Variants in CSTF1 observed in about 807,000 individuals in gnomAD.
CSTF1 encodes the protein cleavage stimulation factor subunit 1.
In CSTF1, 2 loss-of-function variants were observed where a neutral mutation model predicts 40.9. The ratio of observed to expected loss-of-function variants is 0.05; its 90% CI spans 0.02 to 0.15. CSTF1 has a LOEUF of 0.15. CSTF1 is among the 10% of genes least tolerant of loss of function. The probability of loss-of-function intolerance (pLI) is 1.00; values close to 1 mark genes in which losing one functional copy is unlikely to be tolerated. For missense variants in CSTF1, 279 were observed against 558.9 expected, an observed-to-expected ratio of 0.50 and a Z score of 5.05; for synonymous variants, 218 against 207.2, an observed-to-expected ratio of 1.05 and a Z score of -0.45.
At position 56,397,728 on chromosome 20, in the gene CSTF1, TG is replaced by T; in HGVS notation, c.533del (p.Cys178SerfsTer101). 6.2e-7 allele frequency: 1 copy of T among 1,614,132 alleles called. No individual in the cohort carries two copies. The highest frequency in any genetic ancestry group is 8.5e-7 in the Non-Finnish European group (1 of 1,179,976). On this transcript the variant is annotated frameshift_variant, in exon 4 of 6. Transcript: ENST00000217109. LOFTEE classifies it high-confidence loss of function. This position sits in a 1 kb window ranked among gnomAD's most constrained non-coding sequence, Gnocchi z 4.4. Reference protein sequence around the residue: ...TLYDHVDEVTCLAFHPTEQIL... With the variant: ...TLYDHVDEVTXLAFHPTEQIL... ...TTATGACCATGTGGATGAAGTCACGTGCCTTGCTTTCCACCCAACAGAACAG... is the reference window on the plus strand; with the variant it reads ...TTATGACCATGTGGATGAAGTCACGTCCTTGCTTTCCACCCAACAGAACAG...
intron 5 of CSTF1, among the ~76,000 whole-genome samples, chr20:56,400,766 C>T (rs1402212338): frequency 6.6e-5 from 10 of 152,262 alleles, no homozygotes; most frequent in African/African-American, 2.2e-4. Context: ...TTGGGCCAGG[C>T]GCGGTGGCTC....
Position 56,405,633 on chromosome 20 carries a change from T to A in CSTF1, c.*1906T>A, listed in dbSNP as rs116236411. 96 of 152,390 alleles carry A rather than the reference T, an allele frequency of 6.3e-4. No individual in the cohort carries two copies. The highest frequency in any genetic ancestry group is 2.2e-3 in the African/African-American group (92 of 41,586). 9.4% of individuals were successfully genotyped at this position (152,390 alleles called of 1,614,324 possible). On this transcript the variant is annotated 3_prime_UTR_variant, in exon 6 of 6. Coordinates refer to ENST00000217109, the MANE Select transcript of CSTF1 (RefSeq NM_001324.3). ...CTTAACATGTTACATCACAGGGTTT[T>A]AGCTCAGATTTCCAAAGAGCCATAT...
At position 56,397,086 on chromosome 20, in the gene CSTF1, C is replaced by T; in HGVS notation, c.170-121C>T. 1 of 1,084,544 alleles carries T rather than the reference C, an allele frequency of 9.2e-7. No individual in the cohort carries two copies. The allele number at this position is 1,084,544 out of a possible 1,614,324, so 67.2% of individuals were successfully genotyped here. ...TTGTAAAGTGTTAGGTGTCACGCGG[C>T]TCCAAGAAATAGGAGGTTGACACTG... On this transcript the variant is annotated intron_variant, in intron 2 of 5. Coordinates refer to ENST00000217109, the MANE Select transcript of CSTF1 (RefSeq NM_001324.3). This position sits in a 1 kb window ranked among gnomAD's most constrained non-coding sequence, Gnocchi z 4.4.
chr20:56,397,227 G>A lies in CSTF1; in HGVS notation c.190G>A (p.Ala64Thr), dbSNP rs143733259. 2.0e-5 allele frequency: 32 copies of A among 1,613,642 alleles called. No individual in the cohort carries two copies. Among genetic ancestry groups the A allele is most frequent in the Non-Finnish European group, 2.4e-5 (28 of 1,179,756 alleles). The change falls in exon 3 of 6, where the codon GCA becomes ACA. Residue 64 changes from alanine to threonine, a missense_variant. Physicochemically the swap from Ala to Thr is moderately conservative, Grantham distance 58. Around this residue, in one of 4 missense-constraint regions of CSTF1, gnomAD observed 66 missense variants for 148.0 expected, o/e 0.45. Coordinates refer to ENST00000217109, the MANE Select transcript of CSTF1 (RefSeq NM_001324.3). The surrounding 1 kb of genome is among the most constrained non-coding windows in gnomAD (Gnocchi z 4.4). ...TTCAGGAATGGAAAACGATGACACC[G>A]CAGTTCAGTATGCAATTGGTCGTTC... ...IKLGMENDDT[A>T]VQYAIGRSDT...
chr20:56,397,145 A>G lies in CSTF1; in HGVS notation c.170-62A>G. Reference sequence around the variant, plus strand: ...CTTTCCAGTTTGGATCTAGAATTTTATCTTGGCCTTTTTAAGAAAAAACAC... The same window carrying G: ...CTTTCCAGTTTGGATCTAGAATTTTGTCTTGGCCTTTTTAAGAAAAAACAC... On this transcript the variant is annotated intron_variant, in intron 2 of 5. Transcript: ENST00000217109. This position sits in a 1 kb window ranked among gnomAD's most constrained non-coding sequence, Gnocchi z 4.4. 2 of 1,543,130 alleles carry G rather than the reference A, an allele frequency of 1.3e-6. No homozygotes were observed. The highest frequency in any genetic ancestry group is 4.5e-5 in the East Asian group (2 of 44,444).
rs1019213052 is a variant in CSTF1, at chr20:56,397,319, A to G, written c.282A>G (p.Pro94=). The part of the protein sequence containing the change: ...EFDADVQTMS[P]EASEYETCYV... ...ATGCAGATGTTCAGACTATGTCCCCAGAGGCTTCTGAGTACGAAACATGCT... is the reference window on the plus strand; with the variant it reads ...ATGCAGATGTTCAGACTATGTCCCCGGAGGCTTCTGAGTACGAAACATGCT... The change falls in exon 3 of 6, where the codon CCA becomes CCG. Residue 94 remains proline (P), a synonymous_variant. Transcript: ENST00000217109. The surrounding 1 kb of genome is among the most constrained non-coding windows in gnomAD (Gnocchi z 4.4). The G allele has an allele frequency of 4.3e-6, 7 of 1,614,216 alleles. No homozygotes were observed. Among genetic ancestry groups the G allele is most frequent in the South Asian group, 1.1e-5 (1 of 91,086 alleles).
chr20:56,404,589 T>C lies in CSTF1; in HGVS notation c.*862T>C, dbSNP rs1401308032. The C allele has an allele frequency of 6.6e-6, 1 of 152,164 alleles. No homozygotes were observed. The highest frequency in any genetic ancestry group is 1.5e-5 in the Non-Finnish European group (1 of 68,030). The allele number at this position is 152,164 out of a possible 1,614,324, so 9.4% of individuals were successfully genotyped here. ...TCTCATCATGGAGGCACATAGTAACTGCATTCTCAGAAGATTTATGCAGTT... is the reference window on the plus strand; with the variant it reads ...TCTCATCATGGAGGCACATAGTAACCGCATTCTCAGAAGATTTATGCAGTT... On this transcript the variant is annotated 3_prime_UTR_variant, in exon 6 of 6. Transcript: ENST00000217109.
At chr20:56,393,131 T>TATATATACAC (rs1555858061) in intron 1 of CSTF1, among the ~76,000 whole-genome samples, 181 of 135,894 alleles carry the variant, frequency 1.3e-3, no homozygotes, top group African/African-American at 5.1e-3. Flanking sequence ...TATATATATA[T>TATATATACAC]ACACACACAC....
At position 56,398,948 on chromosome 20, in the gene CSTF1, A is replaced by C. The variant is rs184900507; in HGVS notation, c.646-19A>C. 8.9e-6 allele frequency: 14 copies of C among 1,572,060 alleles called. No individual in the cohort carries two copies. The African/African-American group carries it at 1.5e-4, about 17-fold the overall frequency. ...TGTTCACCAGTTGGTCACTTGTATT[A>C]ATGTCTCTGTCCCAACAGGAAGCTG... On this transcript the variant is annotated intron_variant, in intron 4 of 5. Transcript: ENST00000217109.
At position 56,403,651 on chromosome 20, in the gene CSTF1, C is replaced by T. The variant is rs1978572231; in HGVS notation, c.1220C>T (p.Pro407Leu). The change falls in exon 6 of 6, where the codon CCC becomes CTC. Residue 407 changes from proline to leucine, a missense_variant. By Grantham distance (98) the Pro-to-Leu change is moderately conservative. Coordinates refer to ENST00000217109, the MANE Select transcript of CSTF1 (RefSeq NM_001324.3). ...ATTGTACGCTGCATAGTGCACTCCC[C>T]CACCAACCCCGGGTTCATGACGTGC... is the stretch of plus-strand genomic sequence containing the variant. ...NNIVRCIVHS[P>L]TNPGFMTCSD... The T allele has an allele frequency of 6.2e-7, 1 of 1,613,972 alleles. No individual in the cohort carries two copies. The highest frequency in any genetic ancestry group is 1.3e-5 in the African/African-American group (1 of 74,880).
rs1201150747 is a variant in CSTF1, at chr20:56,404,845, T to TTTTTTTTTTTTTTTC, written c.*1119_*1120insTTTTTTTTTTTTTCT. ...TTTTTTTTTTTTTTTTTTTGTATTT[T>TTTTTTTTTTTTTTTC]TAGTAGAGCCAGGGTTTCACCATGT... On this transcript the variant is annotated 3_prime_UTR_variant, in exon 6 of 6. Coordinates refer to ENST00000217109, the MANE Select transcript of CSTF1 (RefSeq NM_001324.3). The TTTTTTTTTTTTTTTC allele has an allele frequency of 6.9e-6, 1 of 144,274 alleles. No individual in the cohort carries two copies. Among genetic ancestry groups the TTTTTTTTTTTTTTTC allele is most frequent in the African/African-American group, 2.7e-5 (1 of 37,732 alleles). 8.9% of individuals were successfully genotyped at this position (144,274 alleles called of 1,614,324 possible).
rs1186497419 is a variant in CSTF1 at position 56,405,084 on chromosome 20, A to G, written c.*1357A>G. Reference sequence around the variant, plus strand: ...TGCTTTATATTTATCCCAAAAAACAAATACCTTATGATCTGCATAGGAGTA... The same window carrying G: ...TGCTTTATATTTATCCCAAAAAACAGATACCTTATGATCTGCATAGGAGTA... On this transcript the variant is annotated 3_prime_UTR_variant, in exon 6 of 6. Coordinates refer to ENST00000217109, the MANE Select transcript of CSTF1 (RefSeq NM_001324.3). 1 of 152,074 alleles carries G rather than the reference A, an allele frequency of 6.6e-6. No homozygotes were observed. Among genetic ancestry groups the G allele is most frequent in the Non-Finnish European group, 1.5e-5 (1 of 68,020 alleles). 9.4% of individuals were successfully genotyped at this position (152,074 alleles called of 1,614,324 possible).
At chr20:56,402,389 T>A in intron 5 of CSTF1, among the ~76,000 whole-genome samples, 1 of 152,226 alleles carries the variant, frequency 6.6e-6, no homozygotes, top group East Asian at 1.9e-4. Context: ...AAGTATTGAC[T>A]GTTACCTCTG....
rs894362005 is a variant in CSTF1 at position 56,404,700 on chromosome 20, C to G, written c.*973C>G. The stretch of plus-strand genomic sequence containing the variant: ...TTGCTCTGTCACCCAGGTTGGAGTG[C>G]AGTGGCGTGATCTCAGCTCACTGCA... On this transcript the variant is annotated 3_prime_UTR_variant, in exon 6 of 6. Coordinates refer to ENST00000217109, the MANE Select transcript of CSTF1 (RefSeq NM_001324.3). 6.6e-6 allele frequency: 1 copy of G among 151,370 alleles called. No homozygotes were observed. The highest frequency in any genetic ancestry group is 2.1e-4 in the South Asian group (1 of 4,790). 9.4% of individuals were successfully genotyped at this position (151,370 alleles called of 1,614,324 possible). A position where few individuals can be genotyped will look rare whatever the true frequency, so the allele number is the denominator to read the frequency against.
intron 5 of CSTF1, among the ~76,000 whole-genome samples, chr20:56,402,955 A>G (rs899036313): frequency 6.6e-6 from 1 of 151,810 alleles, no homozygotes; most frequent in African/African-American, 2.4e-5. Flanking sequence ...AAAAGATCAC[A>G]CACAAAAGAA....
At position 56,397,356 on chromosome 20, in the gene CSTF1, C is replaced by T; in HGVS notation, c.319C>T (p.His107Tyr). The stretch of plus-strand genomic sequence containing the variant: ...GTACGAAACATGCTATGTCACATCA[C>T]ATAAAGGACCATGCCGTGTAGCTAC... ...SEYETCYVTS[H>Y]KGPCRVATYS... The change falls in exon 3 of 6, where the codon CAT becomes TAT. Residue 107 changes from histidine (H) to tyrosine (Y), a missense_variant. His to Tyr is a moderately conservative substitution (Grantham distance 83, BLOSUM62 2). Around this residue, in one of 4 missense-constraint regions of CSTF1, gnomAD observed 66 missense variants for 148.0 expected, o/e 0.45. Coordinates refer to ENST00000217109, the MANE Select transcript of CSTF1 (RefSeq NM_001324.3). This position sits in a 1 kb window ranked among gnomAD's most constrained non-coding sequence, Gnocchi z 4.4. The T allele has an allele frequency of 6.2e-7, 1 of 1,614,168 alleles. No homozygotes were observed. Among genetic ancestry groups the T allele is most frequent in the Non-Finnish European group, 8.5e-7 (1 of 1,180,030 alleles).
intron 5 of CSTF1, among the ~76,000 whole-genome samples, chr20:56,402,854 G>T (rs6069731): frequency 6.6e-6 from 1 of 151,128 alleles, no homozygotes; most frequent in African/African-American, 2.4e-5. Context: ...AGAATCACTC[G>T]AACCCAGGAG....
chr20:56,397,268 T>A lies in CSTF1; in HGVS notation c.231T>A (p.Pro77=). The change falls in exon 3 of 6, where the codon CCT becomes CCA. Residue 77 remains proline (P), a synonymous_variant. Transcript: ENST00000217109. The surrounding 1 kb of genome is among the most constrained non-coding windows in gnomAD (Gnocchi z 4.4). ...YAIGRSDTVA[P]GTGIDLEFDA... is the part of the protein sequence containing the mutation. The stretch of plus-strand genomic sequence containing the variant: ...TTGGTCGTTCAGATACTGTTGCCCC[T>A]GGCACAGGGATTGACCTGGAATTTG... The A allele has an allele frequency of 6.2e-7, 1 of 1,614,244 alleles. No homozygotes were observed. Among genetic ancestry groups the A allele is most frequent in the Non-Finnish European group, 8.5e-7 (1 of 1,180,036 alleles).
intron 5 of CSTF1, among the ~76,000 whole-genome samples, chr20:56,402,308 A>G (rs1180461938): frequency 1.1e-4 from 16 of 145,600 alleles, no homozygotes; most frequent in Non-Finnish European, 1.8e-4. Flanking sequence ...CTCTATCTCA[A>G]AAAAAAAAAA....
Sources: gnomAD v4.1 joint callset for allele counts (sites outside exome capture counted in the v4.1 genomes callset) on GRCh38, gnomAD v4.1.1 for gene constraint, gnomAD v4.1.1 regional missense constraint, Gnocchi (gnomAD v3.1) non-coding constraint, MANE v1.5 for transcripts, NCBI Gene and HGNC (gene_info 2026-07-23, HGNC 2026-07-21) for gene names.